Variants in FCRLA observed in about 807,000 individuals in gnomAD.
FCRLA encodes Fc receptor like A.
In FCRLA, 26 loss-of-function variants were observed where a neutral mutation model predicts 28.4. That is an observed-to-expected ratio of 0.91 (90% CI 0.67 to 1.27). The LOEUF is 1.27. FCRLA is among the 50% of genes most tolerant of loss of function. The pLI, the probability that FCRLA is intolerant of heterozygous loss-of-function variation, is 0.00. For synonymous variants in FCRLA, 174 were observed against 168.5 expected, an observed-to-expected ratio of 1.03 and a Z score of -0.25; for missense variants, 422 against 433.1, an observed-to-expected ratio of 0.97 and a Z score of 0.23.
chr1:161,713,108 C>T lies in FCRLA; in HGVS notation c.808C>T (p.Pro270Ser). The T allele has an allele frequency of 6.2e-7, 1 of 1,613,812 alleles. No individual in the cohort carries two copies. The highest frequency in any genetic ancestry group is 8.5e-7 in the Non-Finnish European group (1 of 1,179,926). Residue 270 changes from proline to serine, a missense_variant, in exon 5 of 5, where the codon CCC becomes TCC. Physicochemically the swap from Pro to Ser is moderately conservative, Grantham distance 74 (BLOSUM62 -1). Coordinates refer to ENST00000236938, the MANE Select transcript of FCRLA (RefSeq NM_032738.4). ...AGGTGCTTCCAGCTCTGCTGCACCT[C>T]CCACATTGAATCCAGCTCCTCAGAA... ...VQGASSSAAPPTLNPAPQKSA... is the reference protein window; with the variant it reads ...VQGASSSAAPSTLNPAPQKSA...
Position 161,711,406 on chromosome 1 carries a change from G to A in FCRLA, c.431G>A (p.Ser144Asn), listed in dbSNP as rs771880619. The A allele has an allele frequency of 1.2e-6, 2 of 1,614,142 alleles. No individual in the cohort carries two copies. The highest frequency in any genetic ancestry group is 1.7e-6 in the Non-Finnish European group (2 of 1,180,058). The change falls in exon 3 of 5, where the codon AGT becomes AAT. Residue 144 changes from serine (S) to asparagine (N), a missense_variant. Physicochemically the swap from Ser to Asn is conservative, Grantham distance 46. Around this residue, in one of 3 missense-constraint regions of FCRLA, gnomAD observed 231 missense variants for 214.6 expected, o/e 1.08. Coordinates refer to ENST00000236938, the MANE Select transcript of FCRLA (RefSeq NM_032738.4). ...GCAGACAGCGGGCACTACCACTGCA[G>A]TGGCATCTTCCAGAGCCCTGGTCCT... ...QKADSGHYHC[S>N]GIFQSPGPGI...
rs138935474 is a variant in FCRLA at position 161,710,779 on chromosome 1, G to A, written c.99G>A (p.Leu33=). 1 of 1,614,034 alleles carries A rather than the reference G, an allele frequency of 6.2e-7. No homozygotes were observed. The highest frequency in any genetic ancestry group is 1.3e-5 in the African/African-American group (1 of 74,922). The part of the protein sequence containing the change: ...QMLLAASFET[L]QCEGPVCTEE... Reference sequence around the variant, plus strand: ...CTTCAGCTGCCAGTTTTGAGACGCTGCAGTGTGAGGGACCTGTCTGCACTG... The same window carrying A: ...CTTCAGCTGCCAGTTTTGAGACGCTACAGTGTGAGGGACCTGTCTGCACTG... Residue 33 remains leucine, a synonymous_variant, in exon 2 of 5, where the codon CTG becomes CTA. Transcript: ENST00000236938.
chr1:161,713,410 A>C lies in FCRLA; in HGVS notation c.*30A>C, dbSNP rs1312418196. The C allele has an allele frequency of 6.5e-7, 1 of 1,545,400 alleles. No homozygotes were observed. Among genetic ancestry groups the C allele is most frequent in the Non-Finnish European group, 8.8e-7 (1 of 1,131,554 alleles). On this transcript the variant is annotated 3_prime_UTR_variant, in exon 5 of 5. Coordinates refer to ENST00000236938, the MANE Select transcript of FCRLA (RefSeq NM_032738.4). The stretch of plus-strand genomic sequence containing the variant: ...AAACAGTTCATCCATGATCTCACTT[A>C]ACCACCCCAATAAATCTGATTCTTT...
intron 3 of FCRLA, 30 bp downstream of exon 3, chr1:161,711,504 A>C (rs1405883770): frequency 6.3e-7 from 1 of 1,594,902 alleles, no homozygotes; most frequent in South Asian, 1.1e-5. Context: ...TTGTCATGGC[A>C]GGGGAGGGTA....
At chr1:161,709,412 A>G (rs1211857070) in intron 1 of FCRLA, among the ~76,000 whole-genome samples, 2 of 152,330 alleles carry the variant, frequency 1.3e-5, no homozygotes, top group African/African-American at 4.8e-5. Flanking sequence ...GATTATAAGC[A>G]TGAGCCACCA....
chr1:161,714,035 T>C lies in FCRLA; in HGVS notation c.*655T>C, dbSNP rs1369391324. 1 of 152,344 alleles carries C rather than the reference T, an allele frequency of 6.6e-6. No homozygotes were observed. 9.4% of individuals were successfully genotyped at this position (152,344 alleles called of 1,614,324 possible). The stretch of plus-strand genomic sequence containing the variant: ...AGTCTTTAGCTGGTGCTATGGTCTG[T>C]TCTTTAGTTCTAGTTTGTATCCCCT... On this transcript the variant is annotated 3_prime_UTR_variant, in exon 5 of 5. Transcript: ENST00000236938.
intron 3 of FCRLA, 82 bp downstream of exon 3, chr1:161,711,556 G>C (rs1420260663): frequency 6.6e-7 from 1 of 1,506,320 alleles, no homozygotes; most frequent in Non-Finnish European, 8.9e-7. Flanking sequence ...TTAGCCTGGA[G>C]GTAGCAAGAT....
chr1:161,711,228 C>T lies in FCRLA; in HGVS notation c.253C>T (p.Pro85Ser). 1 of 1,613,802 alleles carries T rather than the reference C, an allele frequency of 6.2e-7. No individual in the cohort carries two copies. The highest frequency in any genetic ancestry group is 8.5e-7 in the Non-Finnish European group (1 of 1,179,850). The change falls in exon 3 of 5, where the codon CCA becomes TCA. Residue 85 changes from proline (P) to serine (S), a missense_variant. By Grantham distance (74) the Pro-to-Ser change is moderately conservative. This residue lies in a region of FCRLA where 231 missense variants were observed against 214.6 expected (regional missense o/e 1.08). Transcript: ENST00000236938. ...CATAGACTGGCTGATCCTCCAAGGT[C>T]CAGCCAAGCCAGTTTTTGAAGGGGA... ...VSYDWLILQG[P>S]AKPVFEGDLL...
chr1:161,711,356 A>G lies in FCRLA; in HGVS notation c.381A>G (p.Glu127=), dbSNP rs756410172. The G allele has an allele frequency of 5.6e-6, 9 of 1,614,204 alleles. 1 individual carries two copies. Among genetic ancestry groups the G allele is most frequent in the Non-Finnish European group, 7.6e-6 (9 of 1,180,024 alleles). Residue 127 remains glutamate, a synonymous_variant, in exon 3 of 5, where the codon GAA becomes GAG. Coordinates refer to ENST00000236938, the MANE Select transcript of FCRLA (RefSeq NM_032738.4). The part of the protein sequence containing the change: ...SALGPPGPNR[E]FSITVVQKAD... ...TGGGTCCCCCCGGGCCTAACAGGGA[A>G]TTCTCCATCACCGTGGTACAAAAGG...
chr1:161,710,412 T>C, intron 1 of FCRLA: 4 of 1,478,492 alleles, frequency 2.7e-6, no homozygotes, highest in East Asian at 2.5e-5. Flanking sequence ...CTCCCTTTCA[T>C]TCCTGTCCTA....
chr1:161,711,506 G>A (rs969291336), intron 3 of FCRLA, 32 bp downstream of exon 3: 7 of 1,592,108 alleles, frequency 4.4e-6, no homozygotes, highest in Non-Finnish European at 5.1e-6. Flanking sequence ...GTCATGGCAG[G>A]GGAGGGTAAG....
intron 1 of FCRLA, among the ~76,000 whole-genome samples, chr1:161,708,755 G>T (rs551916011): frequency 4.5e-4 from 68 of 152,198 alleles, no homozygotes; most frequent in Admixed American, 1.1e-3. Flanking sequence ...AGCTTAAATG[G>T]TATCTTTTCC....
Position 161,707,243 on chromosome 1 carries a change from A to G in FCRLA, c.-22A>G. On this transcript the variant is annotated 5_prime_UTR_variant, in exon 1 of 5. Transcript: ENST00000236938. ...TGAAGAAAATCAGTGTTGGGGTTGC[A>G]GGAGACCTAAACACAGTCACCATGA... 1.2e-6 allele frequency: 2 copies of G among 1,614,086 alleles called. No individual in the cohort carries two copies. The highest frequency in any genetic ancestry group is 1.1e-5 in the South Asian group (1 of 91,082).
At chr1:161,712,483 C>G (rs985024872) in intron 4 of FCRLA, among the ~76,000 whole-genome samples, 10 of 152,278 alleles carry the variant, frequency 6.6e-5, no homozygotes, top group African/African-American at 1.9e-4. Context: ...AGCATCCCCC[C>G]CAACATGCTC....
rs1168666155 is a variant in FCRLA, at chr1:161,713,446, C to G, written c.*66C>G. 5.9e-6 allele frequency: 8 copies of G among 1,366,628 alleles called. No homozygotes were observed. Among genetic ancestry groups the G allele is most frequent in the Non-Finnish European group, 8.1e-6 (8 of 988,254 alleles). 84.7% of individuals were successfully genotyped at this position (1,366,628 alleles called of 1,614,324 possible). A position where few individuals can be genotyped will look rare whatever the true frequency, so the allele number is the denominator to read the frequency against. ...TAAATCTGATTCTTTATTTTCTCTT[C>G]CTGTCCTGCACATATGCATAAGTAC... On this transcript the variant is annotated 3_prime_UTR_variant, in exon 5 of 5. Coordinates refer to ENST00000236938, the MANE Select transcript of FCRLA (RefSeq NM_032738.4).
chr1:161,714,253 A>G lies in FCRLA; in HGVS notation c.*873A>G, dbSNP rs1410020375. ...CAAGAAGATGACATGTATGAGAACC[A>G]AAAAACAGCTGTCGCCAAACACCGA... On this transcript the variant is annotated 3_prime_UTR_variant, in exon 5 of 5. Transcript: ENST00000236938. 1 of 152,224 alleles carries G rather than the reference A, an allele frequency of 6.6e-6. No homozygotes were observed. Among genetic ancestry groups the G allele is most frequent in the Non-Finnish European group, 1.5e-5 (1 of 68,052 alleles). The allele number at this position is 152,224 out of a possible 1,614,324, so 9.4% of individuals were successfully genotyped here. A position where few individuals can be genotyped will look rare whatever the true frequency, so the allele number is the denominator to read the frequency against.
intron 1 of FCRLA, among the ~76,000 whole-genome samples, chr1:161,709,479 A>T (rs7535647): frequency 0.75 from 113,934 of 152,038 alleles, 43,548 homozygotes; most frequent in East Asian, 0.97. Context: ...CAGAGCACAG[A>T]TGAGTGACAG....
In FCRLA at chr1:161,712,442, C is replaced by T. The variant is rs114737016; in HGVS notation, c.784+224C>T. On this transcript the variant is annotated intron_variant, in intron 4 of 4. Coordinates refer to ENST00000236938, the MANE Select transcript of FCRLA (RefSeq NM_032738.4). The stretch of plus-strand genomic sequence containing the variant: ...ACACCTCACCAGACCAAGAGCTGAG[C>T]CAGCTCCACACCTGCTGCCCCACAA... 6.8e-3 allele frequency among the ~76,000 whole-genome samples: 1,036 copies of T among 152,264 alleles called. 12 individuals carry two copies. The highest frequency in any genetic ancestry group is 0.024 in the African/African-American group (992 of 41,520).
In FCRLA at chr1:161,713,326, G is replaced by C. The variant is rs61741808; in HGVS notation, c.1026G>C (p.Leu342Phe). The C allele has an allele frequency of 1.2e-4, 195 of 1,614,184 alleles. 2 individuals are homozygous for C. The Middle Eastern group carries it at 5.1e-3, about 42-fold the overall frequency. Residue 342 changes from leucine to phenylalanine, a missense_variant, in exon 5 of 5, where the codon TTG becomes TTC. Coordinates refer to ENST00000236938, the MANE Select transcript of FCRLA (RefSeq NM_032738.4). ...TCCTCGGTCACCTGCTCATGGAGTT[G>C]AGGGAATTATCTGGCCACCGGAAGC... ...RVLLGHLLME[L>F]RELSGHRKPG...
Sources: gnomAD v4.1 joint callset for allele counts (sites outside exome capture counted in the v4.1 genomes callset) on GRCh38, gnomAD v4.1.1 for gene constraint, gnomAD v4.1.1 regional missense constraint, MANE v1.5 for transcripts, NCBI Gene and HGNC (gene_info 2026-07-23, HGNC 2026-07-21) for gene names.